CLVS2: variants seen among roughly 807,000 people sequenced by gnomAD.
CLVS2 encodes clavesin 2, also known as clavesin-2.
Under a neutral mutation model 29.0 loss-of-function variants are expected in CLVS2, and 19 were observed. The ratio of observed to expected loss-of-function variants is 0.66; its 90% confidence interval spans 0.46 to 0.96. The LOEUF (loss-of-function observed/expected upper bound fraction) is 0.96. Ranked by LOEUF, CLVS2 falls within the 40% of genes least tolerant of loss-of-function variation. The pLI, the probability that CLVS2 is intolerant of heterozygous loss-of-function variation, is 0.00. For synonymous variants in CLVS2, 161 were observed against 151.3 expected (o/e 1.06, Z -0.47); for missense variants, 294 against 404.1 (o/e 0.73, Z 2.34).
chr6:123,055,090 T>C (rs1772673722), intron 4 of CLVS2, among the ~76,000 whole-genome samples: 1 of 152,072 alleles, frequency 6.6e-6, no homozygotes, highest in Non-Finnish European at 1.5e-5. Context: ...GACAAAATGA[T>C]TAAGGTATGC....
intron 3 of CLVS2, among the ~76,000 whole-genome samples, chr6:123,038,189 A>G (rs1367604116): frequency 2.0e-5 from 3 of 152,014 alleles, no homozygotes; most frequent in African/African-American, 7.2e-5. Flanking sequence ...TCCTAATGCT[A>G]TTTCTTTTGT....
At chr6:123,028,935 C>T (rs1039421608) in intron 3 of CLVS2, among the ~76,000 whole-genome samples, 1 of 152,144 alleles carries the variant, frequency 6.6e-6, no homozygotes, top group African/African-American at 2.4e-5. Context: ...CTCTAATCCC[C>T]AGTGGGGTCA....
chr6:123,014,554 T>G, intron 3 of CLVS2, among the ~76,000 whole-genome samples: 1 of 152,116 alleles, frequency 6.6e-6, no homozygotes, highest in Non-Finnish European at 1.5e-5. Context: ...GGGCACTTGT[T>G]TGAATCTCAG....
intron 4 of CLVS2, among the ~76,000 whole-genome samples, chr6:123,049,877 A>T (rs1237410250): frequency 6.6e-6 from 1 of 152,022 alleles, no homozygotes; most frequent in East Asian, 1.9e-4. Flanking sequence ...CAGCACACCA[A>T]CATGGCATAT....
At chr6:123,013,160 G>C (rs1004726339) in intron 3 of CLVS2, among the ~76,000 whole-genome samples, 1 of 152,052 alleles carries the variant, frequency 6.6e-6, no homozygotes, top group Non-Finnish European at 1.5e-5. Flanking sequence ...TTTAAATCAA[G>C]TCACTGTTTT....
intron 3 of CLVS2, among the ~76,000 whole-genome samples, chr6:123,041,923 G>A (rs1265105409): frequency 2.6e-5 from 4 of 151,828 alleles, no homozygotes; most frequent in Non-Finnish European, 5.9e-5. Context: ...ATCTGAGAGG[G>A]CACAATTATT....
rs1775095007 is a variant in CLVS2, at chr6:123,032,404, GATA to G, written c.565-16217_565-16215del. Among the ~76,000 whole-genome samples the G allele has an allele frequency of 4.6e-5, 7 of 152,080 alleles. No individual in the cohort carries two copies. In the South Asian group the frequency reaches 1.5e-3, roughly 32 times the overall value. On this transcript the variant is annotated intron_variant, in intron 3 of 5. Coordinates refer to ENST00000275162, the MANE Select transcript of CLVS2 (RefSeq NM_001010852.4). ...TAAATCAGAAATACCTATTTATAAT[GATA>G]CTTACTTTATCAAAGGCATTCTGGT... is the stretch of plus-strand genomic sequence containing the variant.
At position 123,063,953 on chromosome 6, in the gene CLVS2, T is replaced by C. The variant is rs1772816104; in HGVS notation, c.*192T>C. On this transcript the variant is annotated 3_prime_UTR_variant, in exon 6 of 6. Transcript: ENST00000275162. ...CTGGGCTGGATTTTTAAAATGTCAA[T>C]AATTTATTCTGTAAGTGCCAAGTTG... 2.5e-5 allele frequency: 11 copies of C among 442,314 alleles called. No homozygotes were observed. The East Asian group carries it at 3.2e-4, about 13-fold the overall frequency. The allele number at this position is 442,314 out of a possible 1,614,324, so 27.4% of individuals were successfully genotyped here. A position where few individuals can be genotyped will look rare whatever the true frequency, so the allele number is the denominator to read the frequency against.
chr6:123,063,911 C>T lies in CLVS2; in HGVS notation c.*150C>T, dbSNP rs1772815552. The T allele has an allele frequency of 4.2e-6, 2 of 474,820 alleles. No homozygotes were observed. Among genetic ancestry groups the T allele is most frequent in the Non-Finnish European group, 7.4e-6 (2 of 269,736 alleles). 29.4% of individuals were successfully genotyped at this position (474,820 alleles called of 1,614,324 possible). ...TAACAAGGCATCAGGCTTTCCTTGG[C>T]CTGAACCATGGGGGCCCTGGGCTGG... is the stretch of plus-strand genomic sequence containing the variant. On this transcript the variant is annotated 3_prime_UTR_variant, in exon 6 of 6. Coordinates refer to ENST00000275162, the MANE Select transcript of CLVS2 (RefSeq NM_001010852.4).
intron 3 of CLVS2, among the ~76,000 whole-genome samples, chr6:123,026,919 T>G (rs1775010427): frequency 6.6e-6 from 1 of 152,208 alleles, no homozygotes; most frequent in African/African-American, 2.4e-5. Flanking sequence ...TCTTGTCTGT[T>G]AGTTATATTC....
chr6:123,016,569 A>C (rs1363176367), intron 3 of CLVS2, among the ~76,000 whole-genome samples: 2 of 151,990 alleles, frequency 1.3e-5, no homozygotes, highest in African/African-American at 2.4e-5. Flanking sequence ...AGAACTCCCC[A>C]GACTCCATCT....
At chr6:123,000,509 AG>A (rs1774575659) in intron 2 of CLVS2, among the ~76,000 whole-genome samples, 1 of 152,192 alleles carries the variant, frequency 6.6e-6, no homozygotes, top group South Asian at 2.1e-4. Context: ...TGCCAATGCC[AG>A]GATGTTACCA....
At chr6:123,042,004 G>A (rs1775241011) in intron 3 of CLVS2, among the ~76,000 whole-genome samples, 2 of 152,028 alleles carry the variant, frequency 1.3e-5, no homozygotes, top group African/African-American at 2.4e-5. Context: ...ATATTAATGG[G>A]AAATGATTGT....
At chr6:123,018,157 T>C (rs377445463) in intron 3 of CLVS2, among the ~76,000 whole-genome samples, 24 of 152,200 alleles carry the variant, frequency 1.6e-4, no homozygotes, top group African/African-American at 5.5e-4. Flanking sequence ...GAACAAAGCA[T>C]ATGAACTACT....
Position 122,997,463 on chromosome 6 carries a change from G to C in CLVS2, c.-315G>C. On this transcript the variant is annotated 5_prime_UTR_variant, in exon 2 of 6. Transcript: ENST00000275162. ...GGGGTGATTTGTTAGGAAAGAGAAA[G>C]GACAAGAAGAGGAGTGCGGAGCCCT... 1 of 347,472 alleles carries C rather than the reference G, an allele frequency of 2.9e-6. No homozygotes were observed. Among genetic ancestry groups the C allele is most frequent in the Non-Finnish European group, 5.5e-6 (1 of 180,446 alleles). 21.5% of individuals were successfully genotyped at this position (347,472 alleles called of 1,614,324 possible). A position where few individuals can be genotyped will look rare whatever the true frequency, so the allele number is the denominator to read the frequency against.
At position 123,053,001 on chromosome 6, in the gene CLVS2, AAAG is replaced by A. The variant is rs1338839843; in HGVS notation, c.676-2800_676-2798del. Reference sequence around the variant, plus strand: ...AAATCACCAATGAGAAAATATAGTTAAAGAAGAGAAAAAATCCAAAGACTGAGA... The same window carrying A: ...AAATCACCAATGAGAAAATATAGTTAAAGAGAAAAAATCCAAAGACTGAGA... On this transcript the variant is annotated intron_variant, in intron 4 of 5. Coordinates refer to ENST00000275162, the MANE Select transcript of CLVS2 (RefSeq NM_001010852.4). Among the ~76,000 whole-genome samples, 60 of 148,154 alleles carry A rather than the reference AAAG, an allele frequency of 4.0e-4. 3 individuals are homozygous for A. Among genetic ancestry groups the A allele is most frequent in the Non-Finnish European group, 7.4e-5 (5 of 67,196 alleles).
rs186689702 is a variant in CLVS2 at position 123,065,250 on chromosome 6, A to G, written c.*1489A>G. The G allele has an allele frequency of 8.6e-5, 13 of 151,994 alleles. No individual in the cohort carries two copies. Among genetic ancestry groups the G allele is most frequent in the Non-Finnish European group, 1.6e-4 (11 of 67,794 alleles). 9.4% of individuals were successfully genotyped at this position (151,994 alleles called of 1,614,324 possible). A position where few individuals can be genotyped will look rare whatever the true frequency, so the allele number is the denominator to read the frequency against. On this transcript the variant is annotated 3_prime_UTR_variant, in exon 6 of 6. Transcript: ENST00000275162. ...TGTGAAAAAATGATTTTTATCACCC[A>G]TAATAAATTTTGAGATTGAGAGTTT...
At chr6:123,051,738 G>T (rs1008390083) in intron 4 of CLVS2, among the ~76,000 whole-genome samples, 6 of 152,176 alleles carry the variant, frequency 3.9e-5, no homozygotes, top group Non-Finnish European at 8.8e-5. Flanking sequence ...GTGTAGAAAA[G>T]TAAAATAAAA....
chr6:123,032,297 C>G (rs1775093637), intron 3 of CLVS2, among the ~76,000 whole-genome samples: 1 of 151,884 alleles, frequency 6.6e-6, no homozygotes, highest in African/African-American at 2.4e-5. Context: ...TTGTGCTTTT[C>G]TTTTAAAAAA....
Sources: allele counts gnomAD v4.1 joint callset (sites outside exome capture counted in the v4.1 genomes callset), GRCh38; gene constraint gnomAD v4.1.1; transcripts MANE v1.5; gene names NCBI Gene and HGNC (gene_info 2026-07-23, HGNC 2026-07-21).